C1orf198: variants seen among roughly 807,000 people sequenced by gnomAD.
C1orf198 encodes the protein chromosome 1 open reading frame 198.
A neutral mutation model predicts 31.4 loss-of-function variants in C1orf198; 17 were observed. That is an observed-to-expected ratio of 0.54 (90% CI 0.37 to 0.81). The LOEUF (loss-of-function observed/expected upper bound fraction) is 0.81, where lower values mean the gene tolerates loss of function less well. C1orf198 is among the 40% of genes least tolerant of loss of function. The pLI is 0.00. For synonymous variants in C1orf198, 175 were observed against 193.8 expected, an observed-to-expected ratio of 0.90 and a Z score of 0.81; for missense variants, 401 against 450.3, an observed-to-expected ratio of 0.89 and a Z score of 0.99.
At position 230,839,868 on chromosome 1, in the gene C1orf198, A is replaced by T; in HGVS notation, c.968T>A (p.Phe323Tyr). Residue 323 changes from phenylalanine to tyrosine, a missense_variant, in exon 4 of 4, where the codon TTT becomes TAT. Transcript: ENST00000366663. ...TAATACATTTTACCAATTGTCCAGA[A>T]AATCAAATCCCGTCTTCAAGACGAC... ...SNVVLKTGFDFLDNW is the reference protein window; with the variant it reads ...SNVVLKTGFDYLDNW 5 of 1,611,158 alleles carry T rather than the reference A, an allele frequency of 3.1e-6. No individual in the cohort carries two copies. The highest frequency in any genetic ancestry group is 4.2e-6 in the Non-Finnish European group (5 of 1,179,376).
intron 1 of C1orf198, among the ~76,000 whole-genome samples, chr1:230,865,045 A>G (rs1202580): frequency 0.5 from 76,136 of 152,086 alleles, 19,198 homozygotes; most frequent in Middle Eastern, 0.59. Flanking sequence ...TCCATTTGCA[A>G]ACCTGCCTTA....
chr1:230,861,458 A>G (rs886085214), intron 1 of C1orf198, among the ~76,000 whole-genome samples: 11 of 152,202 alleles, frequency 7.2e-5, no homozygotes, highest in African/African-American at 2.7e-4. Context: ...ACTATTATCC[A>G]TGGTCTTAAG....
At position 230,843,999 on chromosome 1, in the gene C1orf198, C is replaced by T. The variant is rs1669521236; in HGVS notation, c.385-103G>A. The T allele has an allele frequency of 1.1e-5, 13 of 1,192,100 alleles. No individual in the cohort carries two copies. The highest frequency in any genetic ancestry group is 3.2e-5 in the South Asian group (2 of 61,728). 73.8% of individuals were successfully genotyped at this position (1,192,100 alleles called of 1,614,324 possible). A position where few individuals can be genotyped will look rare whatever the true frequency, so the allele number is the denominator to read the frequency against. On this transcript the variant is annotated intron_variant, in intron 2 of 3. Transcript: ENST00000366663. The surrounding 1 kb of genome is among the most constrained non-coding windows in gnomAD (Gnocchi z 4.9). Reference sequence around the variant, plus strand: ...CACCCCTCCTCAGCATAAGGACGCACACCAGCCACACACGAGTTGTTGCCC... The same window carrying T: ...CACCCCTCCTCAGCATAAGGACGCATACCAGCCACACACGAGTTGTTGCCC...
chr1:230,859,363 T>C (rs1003081654), intron 1 of C1orf198, among the ~76,000 whole-genome samples: 1 of 151,852 alleles, frequency 6.6e-6, no homozygotes, highest in Non-Finnish European at 1.5e-5. Flanking sequence ...CCCACCCCCC[T>C]CTCTGGCGCC....
At chr1:230,844,634 G>A (rs1191662619) in intron 2 of C1orf198, among the ~76,000 whole-genome samples, 1 of 152,210 alleles carries the variant, frequency 6.6e-6, no homozygotes, top group Non-Finnish European at 1.5e-5. Context: ...GCACCCTCCT[G>A]TCTCCTCCAG....
At chr1:230,866,376 C>G (rs1235951673) in intron 1 of C1orf198, among the ~76,000 whole-genome samples, 1 of 152,168 alleles carries the variant, frequency 6.6e-6, no homozygotes, top group Non-Finnish European at 1.5e-5. Context: ...GCTGGTTTTG[C>G]AAAGCTGAGA....
intron 1 of C1orf198, among the ~76,000 whole-genome samples, chr1:230,858,518 C>T (rs554534331): frequency 2.0e-5 from 3 of 152,282 alleles, no homozygotes; most frequent in South Asian, 4.2e-4. Flanking sequence ...GAGGAAGAAC[C>T]GGCCATCCAC....
At chr1:230,852,800 A>C (rs1296556656) in intron 2 of C1orf198, among the ~76,000 whole-genome samples, 1 of 152,272 alleles carries the variant, frequency 6.6e-6, no homozygotes, top group Non-Finnish European at 1.5e-5. Flanking sequence ...ATACAATCTT[A>C]GATTTAAAAT....
chr1:230,843,338 G>A lies in C1orf198; in HGVS notation c.927+16C>T. 1 of 1,551,722 alleles carries A rather than the reference G, an allele frequency of 6.4e-7. No homozygotes were observed. Among genetic ancestry groups the A allele is most frequent in the East Asian group, 2.4e-5 (1 of 40,924 alleles). ...GCACCATCCCATCTGAGGACGCGCT[G>A]GTAAAGGCCACTCACCTGTGCAAAC... On this transcript the variant is annotated intron_variant, in intron 3 of 3. Coordinates refer to ENST00000366663, the MANE Select transcript of C1orf198 (RefSeq NM_032800.3). The surrounding 1 kb of genome is among the most constrained non-coding windows in gnomAD (Gnocchi z 4.9).
chr1:230,868,533 C>A (rs553902987), upstream of C1orf198: 9 of 1,268,772 alleles, frequency 7.1e-6, no homozygotes, highest in African/African-American at 7.8e-5. Flanking sequence ...CCCGCCGCTC[C>A]CGGCCCGCGC....
Position 230,857,422 on chromosome 1 carries a change from C to G in C1orf198, c.334-1704G>C, listed in dbSNP as rs1352478273. On this transcript the variant is annotated intron_variant, in intron 1 of 3. Transcript: ENST00000366663. The surrounding 1 kb of genome is among the most constrained non-coding windows in gnomAD (Gnocchi z 4.2). ...TCACAGGTTGATTTTCCCCCACAAT[C>G]ACCCGCTCCCAACACTCACACTCCC... Among the ~76,000 whole-genome samples the G allele has an allele frequency of 6.6e-6, 1 of 152,218 alleles. No homozygotes were observed. Among genetic ancestry groups the G allele is most frequent in the Non-Finnish European group, 1.5e-5 (1 of 68,046 alleles).
chr1:230,850,397 A>T (rs1669708983), intron 2 of C1orf198, among the ~76,000 whole-genome samples: 1 of 152,202 alleles, frequency 6.6e-6, no homozygotes, highest in East Asian at 1.9e-4. Flanking sequence ...GAGATTCCTG[A>T]TTGGGACAAC....
intron 2 of C1orf198, among the ~76,000 whole-genome samples, chr1:230,850,942 C>T (rs527403918): frequency 9.2e-5 from 14 of 152,198 alleles, no homozygotes; most frequent in African/African-American, 3.1e-4. Flanking sequence ...AATTGCTCTC[C>T]GCCCACTCGA....
At chr1:230,868,554 G>T, upstream of C1orf198, 1 of 1,143,356 alleles carries the variant, frequency 8.7e-7, no homozygotes. Flanking sequence ...CCCGCCCCTC[G>T]CTGTGCCCGC....
At chr1:230,847,664 G>C (rs1433817087) in intron 2 of C1orf198, among the ~76,000 whole-genome samples, 1 of 152,112 alleles carries the variant, frequency 6.6e-6, no homozygotes, top group Non-Finnish European at 1.5e-5. Flanking sequence ...GACTGTTTCT[G>C]AGTGGTGCAT....
intron 1 of C1orf198, among the ~76,000 whole-genome samples, chr1:230,858,941 G>T (rs937388267): frequency 1.3e-5 from 2 of 152,074 alleles, no homozygotes; most frequent in Admixed American, 1.3e-4. Context: ...AGGAGAAAGG[G>T]TCACACTGTG....
chr1:230,865,811 G>C (rs1670106520), intron 1 of C1orf198, among the ~76,000 whole-genome samples: 1 of 152,198 alleles, frequency 6.6e-6, no homozygotes, highest in African/African-American at 2.4e-5. Flanking sequence ...GAAATGTCTA[G>C]AAGATGATCA....
At chr1:230,859,718 C>G (rs911030872) in intron 1 of C1orf198, among the ~76,000 whole-genome samples, 1 of 152,174 alleles carries the variant, frequency 6.6e-6, no homozygotes. Flanking sequence ...CCGGGATAAA[C>G]ACACACACAA....
intron 2 of C1orf198, 147 bp downstream of exon 2, chr1:230,855,521 C>T (rs1282756419): frequency 1.2e-6 from 1 of 809,482 alleles, no homozygotes; most frequent in Admixed American, 2.9e-5. Context: ...CCTCCCATCC[C>T]CTCCTTTTCT....
Sources: gnomAD v4.1 joint callset for allele counts (sites outside exome capture counted in the v4.1 genomes callset) on GRCh38, gnomAD v4.1.1 for gene constraint, Gnocchi (gnomAD v3.1) non-coding constraint, MANE v1.5 for transcripts, NCBI Gene and HGNC (gene_info 2026-07-23, HGNC 2026-07-21) for gene names.